The following AATK variants were observed in gnomAD, a reference collection of about 807,000 sequenced individuals.
AATK encodes the protein serine/threonine-protein kinase LMTK1.
A neutral mutation model predicts 114.3 loss-of-function variants in AATK; 91 were observed. The ratio of observed to expected loss-of-function variants is 0.80; its 90% CI spans 0.67 to 0.95. AATK has a LOEUF of 0.95. Ranked by LOEUF, AATK falls within the 40% of genes least tolerant of loss-of-function variation. AATK has a pLI of 0.00. For missense variants in AATK, 2,176 were observed against 1,965.2 expected, an observed-to-expected ratio of 1.11 and a Z score of -2.03; for synonymous variants, 1,075 against 916.5, an observed-to-expected ratio of 1.17 and a Z score of -3.12.
intron 1 of AATK, among the ~76,000 whole-genome samples, chr17:81,154,319 C>CTTTTTTTT (rs202002919): frequency 1.8e-5 from 2 of 113,772 alleles, no homozygotes; most frequent in African/African-American, 3.6e-5. Flanking sequence ...TTTTTTCTTT[C>CTTTTTTTT]TTTTTTTTTT....
chr17:81,119,264 A>AAGGAGCGGGGCCGGGAAGGAGCGGG, intron 13 of AATK, 116 bp downstream of exon 13: 1 of 1,004,598 alleles, frequency 1.0e-6, no homozygotes, highest in Middle Eastern at 3.4e-4. Context: ...GAAGGAGCGG[A>AAGGAGCGGGGCCGGGAAGGAGCGGG]GCGGAGCGGA....
chr17:81,153,569 G>A (rs2061323891), intron 1 of AATK, among the ~76,000 whole-genome samples: 1 of 152,160 alleles, frequency 6.6e-6, no homozygotes, highest in South Asian at 2.1e-4. Flanking sequence ...TTACTGACTG[G>A]CTCGAAAATA....
chr17:81,119,470 C>A lies in AATK; in HGVS notation c.3994G>T (p.Ala1332Ser). 6.6e-7 allele frequency: 1 copy of A among 1,505,688 alleles called. No homozygotes were observed. Among genetic ancestry groups the A allele is most frequent in the South Asian group, 1.3e-5 (1 of 76,616 alleles). 93.3% of individuals were successfully genotyped at this position (1,505,688 alleles called of 1,614,324 possible). A position where few individuals can be genotyped will look rare whatever the true frequency, so the allele number is the denominator to read the frequency against. ...GACACCGTGAAGCGCGAGAAGGGAG[C>A]GGGCGTGGGCGTGGGCGCAGCCGGG... is the stretch of plus-strand genomic sequence containing the variant. ...PAPAAPTPTP[A>S]PFSRFTVSPA... The change falls in exon 13 of 14, where the codon GCT becomes TCT. Residue 1332 changes from alanine to serine, a missense_variant. Physicochemically the swap from Ala to Ser is moderately conservative, Grantham distance 99. Around this residue, in one of 4 missense-constraint regions of AATK, gnomAD observed 1,701 missense variants for 1,394.7 expected, o/e 1.22. Transcript: ENST00000326724.
chr17:81,160,649 T>C (rs142063295), intron 1 of AATK, among the ~76,000 whole-genome samples: 2 of 151,686 alleles, frequency 1.3e-5, no homozygotes, highest in East Asian at 3.9e-4. Context: ...CCCCTGGATC[T>C]GTGCCACCAG....
chr17:81,118,037 C>T lies in AATK; in HGVS notation c.*365G>A. 1 of 229,416 alleles carries T rather than the reference C, an allele frequency of 4.4e-6. No individual in the cohort carries two copies. Among genetic ancestry groups the T allele is most frequent in the Non-Finnish European group, 8.6e-6 (1 of 116,128 alleles). The allele number at this position is 229,416 out of a possible 1,614,324, so 14.2% of individuals were successfully genotyped here. ...ACACCGGAGGAGCTGCCGGATGGGGCATGCGGGTCCTCCGAGGCCAGGCAG... is the reference window on the plus strand; with the variant it reads ...ACACCGGAGGAGCTGCCGGATGGGGTATGCGGGTCCTCCGAGGCCAGGCAG... On this transcript the variant is annotated 3_prime_UTR_variant, in exon 14 of 14. Transcript: ENST00000326724.
rs989943473 is a variant in AATK, at chr17:81,119,575, C to T, written c.3889G>A (p.Gly1297Arg). 2 of 1,568,190 alleles carry T rather than the reference C, an allele frequency of 1.3e-6. No individual in the cohort carries two copies. The highest frequency in any genetic ancestry group is 1.7e-6 in the Non-Finnish European group (2 of 1,159,656). Residue 1297 changes from glycine (G) to arginine (R), a missense_variant, in exon 13 of 14, where the codon GGG becomes AGG. By Grantham distance (125) the Gly-to-Arg change is moderately radical. Around this residue, in one of 4 missense-constraint regions of AATK, gnomAD observed 1,701 missense variants for 1,394.7 expected, o/e 1.22. Transcript: ENST00000326724. ...GGGAAGTCGTCGTCCCACGCGAACC[C>T]ACCACCTGCAGCCCAGGTCGCGGCG... ...PNGSTAEEGG[G>R]FAWDDDFPLM...
At chr17:81,128,053 G>A (rs1436561690) in intron 4 of AATK, 143 bp from the exon 5 acceptor site, 2 of 1,011,364 alleles carry the variant, frequency 2.0e-6, no homozygotes, top group East Asian at 2.6e-5. Flanking sequence ...ATTGCAGCGT[G>A]AGGTATGGCT....
At chr17:81,165,645 A>G (rs1300806283) in intron 1 of AATK, 2 of 1,479,964 alleles carry the variant, frequency 1.4e-6, no homozygotes, top group Non-Finnish European at 1.8e-6. Flanking sequence ...TCTCCTGGAC[A>G]CCAGGGGCCC....
Position 81,122,597 on chromosome 17 carries a change from A to C in AATK, c.1339T>G (p.Phe447Val). The C allele has an allele frequency of 7.0e-7, 1 of 1,433,318 alleles. No individual in the cohort carries two copies. The highest frequency in any genetic ancestry group is 9.2e-7 in the Non-Finnish European group (1 of 1,083,420). The allele number at this position is 1,433,318 out of a possible 1,614,324, so 88.8% of individuals were successfully genotyped here. Reference sequence around the variant, plus strand: ...CCCGCGAACTGCTCCAGCAGCGGGAAGGACGAGGCAGCGGCGAGCTCCACC... The same window carrying C: ...CCCGCGAACTGCTCCAGCAGCGGGACGGACGAGGCAGCGGCGAGCTCCACC... ...GVVELAAASS[F>V]PLLEQFAGDG... The change falls in exon 11 of 14, where the codon TTC becomes GTC. Residue 447 changes from phenylalanine to valine, a missense_variant. Phe to Val is a conservative substitution (Grantham distance 50). Around this residue, in one of 4 missense-constraint regions of AATK, gnomAD observed 1,701 missense variants for 1,394.7 expected, o/e 1.22. Transcript: ENST00000326724.
rs1168449742 is a variant in AATK at position 81,125,085 on chromosome 17, A to G, written c.756-71T>C. ...GGGTGTGCCGGGTGGGGGCAGGGGG[A>G]GGGTCAGTGGGGTGTGCCGGGCGGG... is the stretch of plus-strand genomic sequence containing the variant. On this transcript the variant is annotated intron_variant, in intron 7 of 13. Transcript: ENST00000326724. The G allele has an allele frequency of 1.6e-4, 127 of 809,754 alleles. 1 individual carries two copies. In the Admixed American group the frequency reaches 2.5e-3, roughly 16 times the overall value. The allele number at this position is 809,754 out of a possible 1,614,324, so 50.2% of individuals were successfully genotyped here.
chr17:81,127,888 G>C lies in AATK; in HGVS notation c.437C>G (p.Ser146Cys). The C allele has an allele frequency of 6.5e-7, 1 of 1,549,188 alleles. No homozygotes were observed. The highest frequency in any genetic ancestry group is 8.7e-7 in the Non-Finnish European group (1 of 1,147,018). ...FGKVFLGEVN[S>C]GISSAQVVVK... ...CACCACCTGGGCACTGCTGATGCCA[G>C]AGTTCACCTCCCCCAGGAACACCTG... is the stretch of plus-strand genomic sequence containing the variant. The change falls in exon 5 of 14, where the codon TCT becomes TGT. Residue 146 changes from serine to cysteine, a missense_variant. Transcript: ENST00000326724.
Position 81,118,189 on chromosome 17 carries a change from C to T in AATK, c.*213G>A, listed in dbSNP as rs901441055. On this transcript the variant is annotated 3_prime_UTR_variant, in exon 14 of 14. Transcript: ENST00000326724. ...CTAGCAGCAAGCCTAAAAGCCCAGA[C>T]GAATTCTGCCTCTGGGGCGGAGCAT... The T allele has an allele frequency of 4.7e-5, 27 of 578,642 alleles. No individual in the cohort carries two copies. The highest frequency in any genetic ancestry group is 3.8e-4 in the East Asian group (13 of 34,508). The allele number at this position is 578,642 out of a possible 1,614,324, so 35.8% of individuals were successfully genotyped here.
At chr17:81,128,591 G>C (rs1329850969) in intron 3 of AATK, 42 bp from the exon 4 acceptor site, 1 of 1,546,952 alleles carries the variant, frequency 6.5e-7, no homozygotes, top group African/African-American at 1.4e-5. Context: ...TGTGGCCTCC[G>C]CACCCCCCAG....
intron 1 of AATK, among the ~76,000 whole-genome samples, chr17:81,139,838 C>T (rs1336107852): frequency 6.6e-6 from 1 of 152,216 alleles, no homozygotes; most frequent in Non-Finnish European, 1.5e-5. Flanking sequence ...CACCGTGACA[C>T]CAGCATGCAC....
rs1227875127 is a variant in AATK at position 81,146,430 on chromosome 17, A to AC, written c.56-11930dup. On this transcript the variant is annotated intron_variant, in intron 1 of 13. Coordinates refer to ENST00000326724, the MANE Select transcript of AATK (RefSeq NM_001080395.3). ...CAAATGAGGAAATACAAATTGCCCA[A>AC]CCCGGCAGGGCACGGTGGCTCACAC... 1.3e-4 allele frequency among the ~76,000 whole-genome samples: 20 copies of AC among 151,920 alleles called. No individual in the cohort carries two copies. In the East Asian group the frequency reaches 1.9e-3, roughly 15 times the overall value.
chr17:81,141,953 T>TTCCTTTCC (rs1555597586), intron 1 of AATK, among the ~76,000 whole-genome samples: 2 of 126,058 alleles, frequency 1.6e-5, no homozygotes, highest in African/African-American at 3.2e-5. Context: ...CCTTCCTTCC[T>TTCCTTTCC]TTCCTTCCTT....
intron 1 of AATK, among the ~76,000 whole-genome samples, chr17:81,138,836 A>C (rs572350056): frequency 1.6e-3 from 230 of 140,484 alleles, no homozygotes; most frequent in Middle Eastern, 4.1e-3. Flanking sequence ...GCGCACACAC[A>C]CCCCCACGCG....
chr17:81,157,849 T>C (rs2061385085), intron 1 of AATK, among the ~76,000 whole-genome samples: 1 of 152,178 alleles, frequency 6.6e-6, no homozygotes, highest in Admixed American at 6.5e-5. Flanking sequence ...TCCTGGCCTG[T>C]CTCTGCTCGA....
rs536002270 is a variant in AATK at position 81,142,638 on chromosome 17, G to A, written c.56-8137C>T. ...AGCCAGCCACAGGGAGCTGGCAGGGGACCAAGAGCAGGGAAGAGAAGGAGG... is the reference window on the plus strand; with the variant it reads ...AGCCAGCCACAGGGAGCTGGCAGGGAACCAAGAGCAGGGAAGAGAAGGAGG... On this transcript the variant is annotated intron_variant, in intron 1 of 13. Coordinates refer to ENST00000326724, the MANE Select transcript of AATK (RefSeq NM_001080395.3). 1.1e-4 allele frequency among the ~76,000 whole-genome samples: 17 copies of A among 152,338 alleles called. No individual in the cohort carries two copies. In the East Asian group the frequency reaches 2.9e-3, roughly 26 times the overall value.
Sources: allele counts gnomAD v4.1 joint callset (sites outside exome capture counted in the v4.1 genomes callset), GRCh38; gene constraint gnomAD v4.1.1; regional missense constraint gnomAD v4.1.1; transcripts MANE v1.5; gene names NCBI Gene and HGNC (gene_info 2026-07-23, HGNC 2026-07-21).